CHMP6: variants seen among roughly 807,000 people sequenced by gnomAD.
The protein encoded by CHMP6 is chromatin-modifying protein 6.
In CHMP6, 10 loss-of-function variants were observed where a neutral mutation model predicts 32.8. The ratio of observed to expected loss-of-function variants is 0.30; its 90% CI spans 0.19 to 0.52. The LOEUF is 0.52. Among genes scored for constraint, CHMP6 ranks in the 20% least tolerant of loss-of-function variants. The pLI is 0.97. For missense variants in CHMP6, 269 were observed against 263.8 expected (o/e 1.02, Z -0.14); for synonymous variants, 123 against 105.8 (o/e 1.16, Z -1.00).
chr17:80,996,908 G>T, intron 4 of CHMP6, 99 bp from the exon 5 acceptor site: 1 of 1,168,958 alleles, frequency 8.6e-7, no homozygotes, highest in Non-Finnish European at 1.2e-6. Flanking sequence ...AAAATAAACA[G>T]AGGGGTGAGG....
chr17:80,998,261 G>A (rs540006749), intron 6 of CHMP6, 105 bp from the exon 7 acceptor site: 42 of 1,339,758 alleles, frequency 3.1e-5, no homozygotes, highest in African/African-American at 2.3e-4. Flanking sequence ...CTTTAACTCC[G>A]GCTGAGAGCG....
At chr17:80,998,968 G>A in intron 7 of CHMP6, 130 bp from the exon 8 acceptor site, 1 of 1,030,036 alleles carries the variant, frequency 9.7e-7, no homozygotes, top group Admixed American at 2.1e-5. Context: ...CTCCCCCAGA[G>A]CTGGGCGTGC....
In CHMP6 at chr17:80,991,998, G is replaced by C. The variant is rs1598437781; in HGVS notation, c.63+17G>C. Reference sequence around the variant, plus strand: ...GCCATCCTGGTGAGGGCCCGGGCCCGGGGTCAGGGCTGGGGCCGGGACAGG... The same window carrying C: ...GCCATCCTGGTGAGGGCCCGGGCCCCGGGTCAGGGCTGGGGCCGGGACAGG... On this transcript the variant is annotated intron_variant, in intron 1 of 7. Coordinates refer to ENST00000325167, the MANE Select transcript of CHMP6 (RefSeq NM_024591.5). The C allele has an allele frequency of 7.1e-7, 1 of 1,412,098 alleles. No homozygotes were observed. The highest frequency in any genetic ancestry group is 9.3e-7 in the Non-Finnish European group (1 of 1,070,552). 87.5% of individuals were successfully genotyped at this position (1,412,098 alleles called of 1,614,324 possible). A position where few individuals can be genotyped will look rare whatever the true frequency, so the allele number is the denominator to read the frequency against.
At chr17:80,997,117 C>T in intron 5 of CHMP6, 45 bp downstream of exon 5, 1 of 1,609,014 alleles carries the variant, frequency 6.2e-7, no homozygotes, top group Non-Finnish European at 8.5e-7. Context: ...TGAGAACCCA[C>T]AAGGCCACCC....
rs35687235 is a variant in CHMP6, at chr17:80,999,102, C to T, written c.555C>T (p.Asn185=). The part of the protein sequence containing the change: ...SEPLPEKIPE[N]VPVKARPRQA... ...ACATCTCTGTTTCCTCCACAGAAAACGTCCCTGTCAAGGCCAGGCCCAGGC... is the reference window on the plus strand; with the variant it reads ...ACATCTCTGTTTCCTCCACAGAAAATGTCCCTGTCAAGGCCAGGCCCAGGC... Residue 185 remains asparagine, a synonymous_variant, in exon 8 of 8, where the codon AAC becomes AAT. Transcript: ENST00000325167. The T allele has an allele frequency of 4.6e-3, 7,452 of 1,614,024 alleles. 319 individuals are homozygous for T. The African/African-American group carries it at 0.088, about 19-fold the overall frequency.
At chr17:80,993,251 C>T (rs1598438271) in intron 1 of CHMP6, among the ~76,000 whole-genome samples, 2 of 150,048 alleles carry the variant, frequency 1.3e-5, no homozygotes, top group Non-Finnish European at 3.0e-5. Context: ...TTAGCACACA[C>T]TAGCACAAAT....
chr17:80,999,046 T>A (rs2069663123), intron 7 of CHMP6, 52 bp from the exon 8 acceptor site: 2 of 1,607,126 alleles, frequency 1.2e-6, no homozygotes, highest in Non-Finnish European at 1.7e-6. Flanking sequence ...TCTCTGGAGG[T>A]CTCTGCCTGT....
chr17:80,996,951 G>A (rs1031337767), intron 4 of CHMP6, 56 bp from the exon 5 acceptor site: 48 of 1,549,802 alleles, frequency 3.1e-5, no homozygotes, highest in Middle Eastern at 1.8e-4. Context: ...GGCCTCTGTC[G>A]GGGGTCTACC....
At chr17:80,994,213 C>A (rs536178203) in intron 1 of CHMP6, among the ~76,000 whole-genome samples, 1 of 152,226 alleles carries the variant, frequency 6.6e-6, no homozygotes, top group Non-Finnish European at 1.5e-5. Flanking sequence ...TGCGCCCAGC[C>A]GAGTCCAAAC....
rs563215278 is a variant in CHMP6, at chr17:80,994,006, G to A, written c.64-575G>A. ...CGGCTCACTGCAAGCTCTGCCTCCCGGGTTCACGCTGTTCTCCTGCCTCAG... is the reference window on the plus strand; with the variant it reads ...CGGCTCACTGCAAGCTCTGCCTCCCAGGTTCACGCTGTTCTCCTGCCTCAG... On this transcript the variant is annotated intron_variant, in intron 1 of 7. Coordinates refer to ENST00000325167, the MANE Select transcript of CHMP6 (RefSeq NM_024591.5). Among the ~76,000 whole-genome samples the A allele has an allele frequency of 1.8e-3, 273 of 152,150 alleles. 1 individual carries two copies. Among genetic ancestry groups the A allele is most frequent in the African/African-American group, 6.3e-3 (263 of 41,500 alleles).
At chr17:80,993,090 C>A (rs2069606805) in intron 1 of CHMP6, among the ~76,000 whole-genome samples, 1 of 152,152 alleles carries the variant, frequency 6.6e-6, no homozygotes, top group African/African-American at 2.4e-5. Flanking sequence ...CCAAGGCACT[C>A]CCTCCCCTCT....
Position 80,997,042 on chromosome 17 carries a change from C to T in CHMP6, c.384C>T (p.Asp128=), listed in dbSNP as rs369414852. 4.3e-5 allele frequency: 70 copies of T among 1,613,790 alleles called. No homozygotes were observed. Among genetic ancestry groups the T allele is most frequent in the South Asian group, 2.1e-4 (19 of 91,062 alleles). ...TTGAAGAGGTGGAGAGGATCCTGGACGAGACGCAGGAGGCCGTGGAGTACC... is the reference window on the plus strand; with the variant it reads ...TTGAAGAGGTGGAGAGGATCCTGGATGAGACGCAGGAGGCCGTGGAGTACC... ...MSIEEVERIL[D]ETQEAVEYQR... Residue 128 remains aspartate, a synonymous_variant, in exon 5 of 8, where the codon GAC becomes GAT. Transcript: ENST00000325167.
chr17:80,994,386 G>A (rs2069618383), intron 1 of CHMP6, among the ~76,000 whole-genome samples, 195 bp from the exon 2 acceptor site: 1 of 152,202 alleles, frequency 6.6e-6, no homozygotes, highest in South Asian at 2.1e-4. Context: ...CCTCTTGTGT[G>A]GCAGGATGTG....
At chr17:80,996,954 G>C in intron 4 of CHMP6, 53 bp from the exon 5 acceptor site, 1 of 1,560,344 alleles carries the variant, frequency 6.4e-7, no homozygotes, top group Non-Finnish European at 8.7e-7. Context: ...CTCTGTCGGG[G>C]GTCTACCATT....
At chr17:80,993,155 G>A (rs565534760) in intron 1 of CHMP6, among the ~76,000 whole-genome samples, 2 of 152,354 alleles carry the variant, frequency 1.3e-5, no homozygotes, top group African/African-American at 4.8e-5. Context: ...CTTGCCAAGG[G>A]TCACTGTGGG....
intron 1 of CHMP6, among the ~76,000 whole-genome samples, chr17:80,992,499 C>A (rs1257341145): frequency 6.6e-6 from 1 of 152,240 alleles, no homozygotes; most frequent in Non-Finnish European, 1.5e-5. Context: ...TCCCTCACCC[C>A]ATCCAGGCCA....
Position 80,999,303 on chromosome 17 carries a change from G to A in CHMP6, c.*150G>A, listed in dbSNP as rs2069665837. ...GCAGCCACGCAGGCGCATTGCAGGA[G>A]GACTCCAGAGCGTCTCCTGGAGACC... On this transcript the variant is annotated 3_prime_UTR_variant, in exon 8 of 8. Coordinates refer to ENST00000325167, the MANE Select transcript of CHMP6 (RefSeq NM_024591.5). 1 of 784,962 alleles carries A rather than the reference G, an allele frequency of 1.3e-6. No homozygotes were observed. The highest frequency in any genetic ancestry group is 2.1e-6 in the Non-Finnish European group (1 of 482,970). The allele number at this position is 784,962 out of a possible 1,614,324, so 48.6% of individuals were successfully genotyped here.
At chr17:80,997,158 C>T (rs906824677) in intron 5 of CHMP6, 86 bp downstream of exon 5, 60 of 1,597,660 alleles carry the variant, frequency 3.8e-5, no homozygotes, top group Middle Eastern at 3.7e-4. Context: ...CATCCTAGAG[C>T]GGCCGCCTTC....
intron 1 of CHMP6, among the ~76,000 whole-genome samples, chr17:80,993,250 A>G (rs2069608260): frequency 6.7e-6 from 1 of 148,786 alleles, no homozygotes. Flanking sequence ...CTTAGCACAC[A>G]CTAGCACAAA....
Sources: gnomAD v4.1 joint callset for allele counts (sites outside exome capture counted in the v4.1 genomes callset) on GRCh38, gnomAD v4.1.1 for gene constraint, MANE v1.5 for transcripts, NCBI Gene and HGNC (gene_info 2026-07-23, HGNC 2026-07-21) for gene names.